SCD5: variants seen among roughly 807,000 people sequenced by gnomAD.
SCD5 encodes the protein acyl-CoA-desaturase 4.
In SCD5, 20 loss-of-function variants were observed where a neutral mutation model predicts 30.4. The observed-to-expected ratio is 0.66, with a 90% CI of 0.46 to 0.96. SCD5 has a LOEUF of 0.96. Ranked by LOEUF, SCD5 falls within the 40% of genes least tolerant of loss-of-function variation. The pLI, the probability that SCD5 is intolerant of heterozygous loss-of-function variation, is 0.00. For synonymous variants in SCD5, 173 were observed against 176.4 expected (o/e 0.98, Z 0.16); for missense variants, 381 against 443.3 (o/e 0.86, Z 1.26).
chr4:82,678,343 A>G (rs988421343), intron 3 of SCD5, among the ~76,000 whole-genome samples: 10 of 152,194 alleles, frequency 6.6e-5, no homozygotes, highest in Non-Finnish European at 1.2e-4. Context: ...ACGTGCCGCC[A>G]ATACACACAT....
chr4:82,784,724 G>A (rs1051681689), intron 1 of SCD5, among the ~76,000 whole-genome samples: 4 of 152,220 alleles, frequency 2.6e-5, no homozygotes, highest in Non-Finnish European at 5.9e-5. Flanking sequence ...AACTAGAACC[G>A]TGAAAGGGAT....
intron 1 of SCD5, chr4:82,753,518 C>G: frequency 2.2e-6 from 1 of 449,118 alleles, no homozygotes; most frequent in Non-Finnish European, 4.7e-6. Context: ...AGGAGTGTGG[C>G]TCTTTGTGGG....
intron 3 of SCD5, among the ~76,000 whole-genome samples, chr4:82,650,145 T>C (rs1367089429): frequency 6.6e-6 from 1 of 152,202 alleles, no homozygotes. Context: ...TAGTCCTCAA[T>C]TATTTTTTGA....
intron 1 of SCD5, among the ~76,000 whole-genome samples, chr4:82,739,498 G>A (rs894029221): frequency 6.6e-6 from 1 of 152,248 alleles, no homozygotes; most frequent in South Asian, 2.1e-4. Context: ...TCCCCGCACT[G>A]CCCTGGAGGG....
At chr4:82,793,103 C>G (rs1158823273) in intron 1 of SCD5, among the ~76,000 whole-genome samples, 1 of 152,162 alleles carries the variant, frequency 6.6e-6, no homozygotes, top group Admixed American at 6.5e-5. Context: ...AGAGTTGTAA[C>G]AACAATGGGC....
At chr4:82,785,315 C>T (rs377266784) in intron 1 of SCD5, among the ~76,000 whole-genome samples, 101 of 152,340 alleles carry the variant, frequency 6.6e-4, no homozygotes, top group African/African-American at 2.4e-3. Flanking sequence ...TCTTCCTCCC[C>T]TCTTTATAAG....
At position 82,636,756 on chromosome 4, in the gene SCD5, C is replaced by T; in HGVS notation, c.637G>A (p.Gly213Arg). The T allele has an allele frequency of 6.2e-7, 1 of 1,614,240 alleles. No homozygotes were observed. The highest frequency in any genetic ancestry group is 8.5e-7 in the Non-Finnish European group (1 of 1,180,042). ...VPTLVPWYIW[G>R]ESLWNSYFLA... is the part of the protein sequence containing the mutation. ...AAGTAGGAATTCCACAGACTCTCTCCCCAGATGTACCAGGGCACCAGCGTG... is the reference window on the plus strand; with the variant it reads ...AAGTAGGAATTCCACAGACTCTCTCTCCAGATGTACCAGGGCACCAGCGTG... The change falls in exon 4 of 5, where the codon GGA becomes AGA. Residue 213 changes from glycine to arginine, a missense_variant. By Grantham distance (125) the Gly-to-Arg change is moderately radical (BLOSUM62 -2). Transcript: ENST00000319540.
intron 3 of SCD5, among the ~76,000 whole-genome samples, chr4:82,679,435 C>G (rs1178503826): frequency 2.0e-5 from 3 of 152,118 alleles, no homozygotes; most frequent in Non-Finnish European, 2.9e-5. Context: ...GTGAAACCAA[C>G]AGAAAGCAGT....
rs529668249 is a variant in SCD5, at chr4:82,779,716, T to C, written c.232+18590A>G. ...GGGCAAATCACTCCTCCCTGTCTCT[T>C]TGTTTCCTCAAAAGCAAAATGTGGA... On this transcript the variant is annotated intron_variant, in intron 1 of 4. Coordinates refer to ENST00000319540, the MANE Select transcript of SCD5 (RefSeq NM_001037582.3). Among the ~76,000 whole-genome samples the C allele has an allele frequency of 3.9e-5, 6 of 152,316 alleles. No individual in the cohort carries two copies. In the South Asian group the frequency reaches 1.2e-3, roughly 32 times the overall value.
chr4:82,743,767 C>T (rs552143376), intron 1 of SCD5, among the ~76,000 whole-genome samples: 6 of 152,096 alleles, frequency 3.9e-5, no homozygotes, highest in Admixed American at 2.0e-4. Flanking sequence ...AGCAATCCCC[C>T]CCGCCTTGGT....
rs373380692 is a variant in SCD5 at position 82,771,943 on chromosome 4, T to C, written c.232+26363A>G. The stretch of plus-strand genomic sequence containing the variant: ...CCACACTCATGATCAAAAGCAGCCA[T>C]AGAATGTGTTAAGTAAGGTACAGAT... On this transcript the variant is annotated intron_variant, in intron 1 of 4. Coordinates refer to ENST00000319540, the MANE Select transcript of SCD5 (RefSeq NM_001037582.3). 1.3e-4 allele frequency among the ~76,000 whole-genome samples: 20 copies of C among 152,324 alleles called. No individual in the cohort carries two copies. The East Asian group carries it at 3.3e-3, about 25-fold the overall frequency.
chr4:82,765,472 T>C (rs982994812), intron 1 of SCD5, among the ~76,000 whole-genome samples: 2 of 152,212 alleles, frequency 1.3e-5, no homozygotes, highest in African/African-American at 4.8e-5. Context: ...TAAAATGGCA[T>C]AGTATTTGCA....
intron 1 of SCD5, among the ~76,000 whole-genome samples, chr4:82,759,648 T>TAAAAAAAA (rs70938309): frequency 8.1e-4 from 102 of 125,562 alleles, no homozygotes; most frequent in Non-Finnish European, 1.3e-3. Flanking sequence ...AACCCCGTCT[T>TAAAAAAAA]AAAAAAAAAA....
chr4:82,638,269 G>A (rs1016824143), intron 3 of SCD5, among the ~76,000 whole-genome samples: 4 of 151,476 alleles, frequency 2.6e-5, no homozygotes, highest in African/African-American at 4.9e-5. Flanking sequence ...TAGATGCCCC[G>A]CCCCCTGCCC....
At chr4:82,679,432 C>G in intron 3 of SCD5, among the ~76,000 whole-genome samples, 1 of 152,058 alleles carries the variant, frequency 6.6e-6, no homozygotes, top group Non-Finnish European at 1.5e-5. Context: ...ACAGTGAAAC[C>G]AACAGAAAGC....
chr4:82,743,082 C>A (rs1296002972), intron 1 of SCD5, among the ~76,000 whole-genome samples: 1 of 152,070 alleles, frequency 6.6e-6, no homozygotes, highest in Admixed American at 6.5e-5. Flanking sequence ...TGGATCCAGG[C>A]CTGAGATGAG....
chr4:82,767,268 C>T (rs1420032377), intron 1 of SCD5, among the ~76,000 whole-genome samples: 1 of 152,038 alleles, frequency 6.6e-6, no homozygotes, highest in African/African-American at 2.4e-5. Flanking sequence ...CTTCTTGCAG[C>T]TCACTCTATC....
intron 3 of SCD5, among the ~76,000 whole-genome samples, chr4:82,650,497 A>G (rs962511473): frequency 6.6e-6 from 1 of 152,196 alleles, no homozygotes; most frequent in Non-Finnish European, 1.5e-5. Context: ...GGAGTTCAAG[A>G]CCAGCTTGGG....
At chr4:82,691,191 A>C (rs914185850) in intron 2 of SCD5, among the ~76,000 whole-genome samples, 32 of 152,018 alleles carry the variant, frequency 2.1e-4, no homozygotes, top group Non-Finnish European at 3.4e-4. Flanking sequence ...ACACCCAGCT[A>C]ATTTTTGTAT....
Sources: allele counts gnomAD v4.1 joint callset (sites outside exome capture counted in the v4.1 genomes callset), GRCh38; gene constraint gnomAD v4.1.1; transcripts MANE v1.5; gene names NCBI Gene and HGNC (gene_info 2026-07-23, HGNC 2026-07-21).